The following FOXP2 variants were observed in gnomAD, a reference collection of about 807,000 sequenced individuals.
FOXP2 encodes forkhead box P2, also known as forkhead box protein P2.
In FOXP2, 12 loss-of-function variants were observed where a neutral mutation model predicts 115.8. That is an observed-to-expected ratio of 0.10 (90% confidence interval 0.07 to 0.17). The LOEUF (loss-of-function observed/expected upper bound fraction) is 0.17, where lower values mean the gene tolerates loss of function less well. Ranked by LOEUF, FOXP2 falls within the 10% of genes least tolerant of loss-of-function variation. FOXP2 has a pLI of 1.00. For synonymous variants in FOXP2, 328 were observed against 297.7 expected (o/e 1.10, Z -1.05); for missense variants, 629 against 843.5 (o/e 0.75, Z 3.15).
At chr7:114,596,256 G>T (rs917493894) in intron 3 of FOXP2, among the ~76,000 whole-genome samples, 1 of 151,932 alleles carries the variant, frequency 6.6e-6, no homozygotes, top group African/African-American at 2.4e-5. Flanking sequence ...TGACCACTTG[G>T]TTGTGCTTCT....
intron 3 of FOXP2, among the ~76,000 whole-genome samples, chr7:114,568,550 T>C (rs1342885831): frequency 6.6e-6 from 1 of 151,922 alleles, no homozygotes; most frequent in African/African-American, 2.4e-5. Context: ...TGAAATATGG[T>C]TAGGTTTATG....
chr7:114,358,833 G>A (rs1791676673), intron 2 of FOXP2, among the ~76,000 whole-genome samples: 1 of 152,088 alleles, frequency 6.6e-6, no homozygotes. Context: ...ACAAGGAGGT[G>A]GTTTGAAATT....
intron 2 of FOXP2, among the ~76,000 whole-genome samples, chr7:114,445,683 T>A (rs1241866041): frequency 6.6e-6 from 1 of 152,150 alleles, no homozygotes; most frequent in African/African-American, 2.4e-5. Flanking sequence ...ATTTTAATAA[T>A]GTGAAAACAA....
intron 2 of FOXP2, among the ~76,000 whole-genome samples, chr7:114,393,335 C>G (rs1365488750): frequency 6.7e-6 from 1 of 150,022 alleles, no homozygotes; most frequent in East Asian, 2.2e-4. Flanking sequence ...ACAGCCATTG[C>G]TTGTGGCAAA....
At chr7:114,199,551 A>G (rs1794006155) in intron 1 of FOXP2, among the ~76,000 whole-genome samples, 1 of 152,220 alleles carries the variant, frequency 6.6e-6, no homozygotes, top group Non-Finnish European at 1.5e-5. Flanking sequence ...ACACTGGTTC[A>G]TAGACACAGT....
intron 2 of FOXP2, among the ~76,000 whole-genome samples, chr7:114,487,839 G>A (rs62467874): frequency 0.15 from 23,022 of 152,088 alleles, 2,291 homozygotes; most frequent in Non-Finnish European, 0.23. Context: ...GGTCAAAGCC[G>A]TTCAACAAGT....
chr7:114,571,180 T>C (rs1373592262), intron 3 of FOXP2, among the ~76,000 whole-genome samples: 1 of 151,912 alleles, frequency 6.6e-6, no homozygotes, highest in Non-Finnish European at 1.5e-5. Flanking sequence ...AATAATTTGA[T>C]GAGGGAGTGT....
intron 1 of FOXP2, among the ~76,000 whole-genome samples, chr7:114,204,589 C>A (rs117519157): frequency 2.4e-3 from 360 of 152,262 alleles, no homozygotes; most frequent in Admixed American, 4.3e-3. Flanking sequence ...TCTCATACAA[C>A]TGTTGTAAAA....
intron 3 of FOXP2, among the ~76,000 whole-genome samples, chr7:114,559,520 CAG>C (rs1337108551): frequency 1.3e-5 from 2 of 152,178 alleles, no homozygotes; most frequent in African/African-American, 4.8e-5. Flanking sequence ...TGACTAAAAA[CAG>C]GGTGAAAAAT....
intron 2 of FOXP2, chr7:114,297,077 G>A: frequency 2.5e-6 from 1 of 401,044 alleles, no homozygotes; most frequent in African/African-American, 2.2e-5. Flanking sequence ...CTGTCAAGCT[G>A]CCCTTTATTT....
intron 1 of FOXP2, among the ~76,000 whole-genome samples, chr7:114,213,381 A>G (rs572143501): frequency 6.6e-6 from 1 of 152,316 alleles, no homozygotes; most frequent in South Asian, 2.1e-4. Flanking sequence ...AAAATTCATA[A>G]ATAGAAAACA....
intron 1 of FOXP2, among the ~76,000 whole-genome samples, chr7:114,252,887 G>T (rs573596114): frequency 6.6e-6 from 1 of 151,896 alleles, no homozygotes; most frequent in African/African-American, 2.4e-5. Context: ...GTGATGTTAG[G>T]GTGTCAATTT....
At chr7:114,661,852 G>C (rs1224716444) in intron 13 of FOXP2, 2 of 532,844 alleles carry the variant, frequency 3.8e-6, no homozygotes, top group Non-Finnish European at 6.6e-6. Flanking sequence ...TATTAAAATA[G>C]CTTGGAAGGT....
intron 1 of FOXP2, among the ~76,000 whole-genome samples, chr7:114,116,195 C>T (rs956063815): frequency 4.6e-5 from 7 of 152,164 alleles, no homozygotes; most frequent in Admixed American, 4.6e-4. Flanking sequence ...CATGGTCCTA[C>T]AGGAGGGAAT....
chr7:114,563,718 C>T (rs1800863919), intron 3 of FOXP2, among the ~76,000 whole-genome samples: 1 of 152,154 alleles, frequency 6.6e-6, no homozygotes, highest in African/African-American at 2.4e-5. Context: ...CTTGTATAGC[C>T]AGAAGTCTTC....
chr7:114,412,906 G>A (rs1016528445), upstream of FOXP2, among the ~76,000 whole-genome samples: 2 of 152,106 alleles, frequency 1.3e-5, no homozygotes, highest in South Asian at 4.1e-4. Context: ...AAGCCTGGAG[G>A]AGGAAAGGAG....
At chr7:114,421,879 G>A (rs1793638286) in intron 1 of FOXP2, among the ~76,000 whole-genome samples, 1 of 151,644 alleles carries the variant, frequency 6.6e-6, no homozygotes, top group Non-Finnish European at 1.5e-5. Flanking sequence ...TTCCACTAGA[G>A]CACAAGAGTT....
chr7:114,128,113 A>T (rs959588428), intron 1 of FOXP2, among the ~76,000 whole-genome samples: 4 of 152,228 alleles, frequency 2.6e-5, no homozygotes, highest in African/African-American at 9.6e-5. Flanking sequence ...AGAGATCTGC[A>T]TGTGGTAAAC....
chr7:114,526,088 G>C (rs553417876), intron 2 of FOXP2, among the ~76,000 whole-genome samples: 1 of 144,240 alleles, frequency 6.9e-6, no homozygotes, highest in Non-Finnish European at 1.5e-5. Flanking sequence ...CTCCAGCCTG[G>C]ACAACAAGAG....
Sources: gnomAD v4.1 joint callset for allele counts (sites outside exome capture counted in the v4.1 genomes callset) on GRCh38, gnomAD v4.1.1 for gene constraint, MANE v1.5 for transcripts, NCBI Gene and HGNC (gene_info 2026-07-23, HGNC 2026-07-21) for gene names.